The following LRP5 variants were observed in gnomAD, a reference collection of about 807,000 sequenced individuals.
The protein encoded by LRP5 is LDL receptor related protein 5, also known as low-density lipoprotein receptor-related protein 5.
Under a neutral mutation model 154.1 loss-of-function variants are expected in LRP5, and 62 were observed. The ratio of observed to expected loss-of-function variants is 0.40; its 90% CI spans 0.33 to 0.50. LRP5 has a LOEUF of 0.50. LRP5 is among the 20% of genes least tolerant of loss of function. LRP5 has a pLI of 0.55. For synonymous variants in LRP5, 966 were observed against 1,011.5 expected (o/e 0.96, Z 0.85); for missense variants, 1,915 against 2,336.7 (o/e 0.82, Z 3.72).
chr11:68,308,968 C>T (rs1349711612), upstream of LRP5, among the ~76,000 whole-genome samples: 10 of 129,234 alleles, frequency 7.7e-5, no homozygotes, highest in African/African-American at 1.2e-4. Flanking sequence ...CTAACTCTGT[C>T]GCCCAGGCTG....
intron 5 of LRP5, among the ~76,000 whole-genome samples, chr11:68,372,809 C>T (rs76101477): frequency 0.021 from 3,259 of 151,928 alleles, 107 homozygotes; most frequent in African/African-American, 0.074. Context: ...GTGGGGAGCA[C>T]GGCTCACACG....
chr11:68,394,838 T>C (rs74873768), intron 7 of LRP5, among the ~76,000 whole-genome samples: 19,406 of 152,210 alleles, frequency 0.13, 1,680 homozygotes, highest in Admixed American at 0.27. Flanking sequence ...ATAGGGAATA[T>C]GAGGCTTACA....
intron 1 of LRP5, 77 bp downstream of exon 1, chr11:68,312,882 G>C: frequency 1.2e-6 from 1 of 827,152 alleles, no homozygotes; most frequent in Non-Finnish European, 1.5e-6. Context: ...CAAGTGCGCG[G>C]GCGCCGCCGC....
chr11:68,445,701 G>A, intron 21 of LRP5: 1 of 1,306,504 alleles, frequency 7.7e-7, no homozygotes, highest in Non-Finnish European at 1.0e-6. Context: ...AGACCTGTGT[G>A]GGTGTGTGGG....
At chr11:68,428,203 C>T (rs2098669955) in intron 16 of LRP5, among the ~76,000 whole-genome samples, 1 of 151,966 alleles carries the variant, frequency 6.6e-6, no homozygotes, top group South Asian at 2.1e-4. Context: ...CCATTTTGCC[C>T]AGGCTGGTCT....
intron 1 of LRP5, among the ~76,000 whole-genome samples, chr11:68,330,805 T>C (rs1229536917): frequency 1.3e-5 from 2 of 152,230 alleles, no homozygotes. Flanking sequence ...CCCTTCACCC[T>C]GATGCGCATT....
At chr11:68,388,960 C>T (rs955407091) in intron 6 of LRP5, among the ~76,000 whole-genome samples, 3 of 152,308 alleles carry the variant, frequency 2.0e-5, no homozygotes, top group African/African-American at 4.8e-5. Context: ...CGACATTGAC[C>T]GACACCGACA....
intron 17 of LRP5, among the ~76,000 whole-genome samples, chr11:68,432,209 C>T (rs192249120): frequency 2.6e-5 from 4 of 152,278 alleles, no homozygotes; most frequent in Admixed American, 2.6e-4. Flanking sequence ...GATTGAGAGT[C>T]GAGGTCGGAG....
intron 14 of LRP5, 71 bp from the exon 15 acceptor site, chr11:68,425,031 T>TTTCCACA: frequency 7.1e-7 from 1 of 1,401,430 alleles, no homozygotes; most frequent in South Asian, 1.2e-5. Flanking sequence ...CCCAGCTGGG[T>TTTCCACA]GCCCTGGGCT....
At chr11:68,412,721 G>A (rs1591297597) in intron 11 of LRP5, among the ~76,000 whole-genome samples, 1 of 152,136 alleles carries the variant, frequency 6.6e-6, no homozygotes, top group Non-Finnish European at 1.5e-5. Flanking sequence ...GGGCAGACAA[G>A]GGAGGAGAGG....
intron 12 of LRP5, among the ~76,000 whole-genome samples, 163 bp from the exon 13 acceptor site, chr11:68,416,165 A>G (rs529212683): frequency 2.9e-4 from 44 of 152,270 alleles, no homozygotes; most frequent in African/African-American, 1.0e-3. Context: ...GAAATTCCCC[A>G]TAGCGCACCC....
chr11:68,426,316 G>A (rs1222907208), intron 16 of LRP5, 129 bp downstream of exon 16: 11 of 741,444 alleles, frequency 1.5e-5, no homozygotes, highest in Non-Finnish European at 2.2e-5. Context: ...GCCAACTGTT[G>A]CCCGCTGGGG....
At chr11:68,387,339 T>C (rs1174011806) in intron 6 of LRP5, among the ~76,000 whole-genome samples, 1 of 152,188 alleles carries the variant, frequency 6.6e-6, no homozygotes, top group East Asian at 1.9e-4. Flanking sequence ...GGTCGCAAAC[T>C]CCTGACCTCA....
rs1206706919 is a variant in LRP5 at position 68,411,555 on chromosome 11, A to G, written c.2438A>G (p.Tyr813Cys). Residue 813 changes from tyrosine to cysteine, a missense_variant, in exon 11 of 23, where the codon TAC (tyrosine) becomes TGC (cysteine). Tyr to Cys is a radical substitution (Grantham distance 194). Around this residue, in one of 3 missense-constraint regions of LRP5, gnomAD observed 1,094 missense variants for 1,210.1 expected, o/e 0.90. Coordinates refer to ENST00000294304, the MANE Select transcript of LRP5 (RefSeq NM_002335.4). ...CGGGCCAACGACCTCACCATTGACTACGCTGACCAGCGCCTCTACTGGACC... is the reference window on the plus strand; with the variant it reads ...CGGGCCAACGACCTCACCATTGACTGCGCTGACCAGCGCCTCTACTGGACC... ...VGRANDLTID[Y>C]ADQRLYWTDL... 1.9e-6 allele frequency: 3 copies of G among 1,613,788 alleles called. No individual in the cohort carries two copies. The highest frequency in any genetic ancestry group is 1.7e-5 in the Admixed American group (1 of 60,022).
At position 68,411,491 on chromosome 11, in the gene LRP5, G is replaced by T; in HGVS notation, c.2374G>T (p.Asp792Tyr). 1 of 1,613,590 alleles carries T rather than the reference G, an allele frequency of 6.2e-7. No individual in the cohort carries two copies. Among genetic ancestry groups the T allele is most frequent in the Non-Finnish European group, 8.5e-7 (1 of 1,180,044 alleles). The change falls in exon 11 of 23, where the codon GAC becomes TAC. Residue 792 changes from aspartate to tyrosine, a missense_variant. Around this residue, in one of 3 missense-constraint regions of LRP5, gnomAD observed 773 missense variants for 1,100.9 expected, o/e 0.70. Coordinates refer to ENST00000294304, the MANE Select transcript of LRP5 (RefSeq NM_002335.4). ...GCCGAGGATCGTGCGGGCCTTCATG[G>T]ACGGGACCAACTGCATGACGCTGGT... ...GKPRIVRAFM[D>Y]GTNCMTLVDK...
intron 1 of LRP5, among the ~76,000 whole-genome samples, chr11:68,322,733 C>T (rs1008910355): frequency 4.6e-5 from 7 of 152,280 alleles, no homozygotes; most frequent in African/African-American, 7.2e-5. Context: ...CCATCTTTTA[C>T]CTCCTCTGGC....
intron 6 of LRP5, among the ~76,000 whole-genome samples, chr11:68,387,910 G>A (rs1418723237): frequency 1.3e-5 from 2 of 152,232 alleles, no homozygotes; most frequent in African/African-American, 2.4e-5. Flanking sequence ...GTCGGGCAGC[G>A]GCGGGCAGAG....
chr11:68,342,788 A>G (rs1002704934), intron 1 of LRP5, among the ~76,000 whole-genome samples: 1 of 152,144 alleles, frequency 6.6e-6, no homozygotes, highest in African/African-American at 2.4e-5. Flanking sequence ...AAACACCTCC[A>G]TCTCTGGCCT....
At chr11:68,339,890 G>T (rs1000665775) in intron 1 of LRP5, among the ~76,000 whole-genome samples, 1 of 152,166 alleles carries the variant, frequency 6.6e-6, no homozygotes, top group African/African-American at 2.4e-5. Flanking sequence ...ATCATTCTAT[G>T]TGTAACTTTT....
Sources: allele counts gnomAD v4.1 joint callset (sites outside exome capture counted in the v4.1 genomes callset), GRCh38; gene constraint gnomAD v4.1.1; regional missense constraint gnomAD v4.1.1; transcripts MANE v1.5; gene names NCBI Gene and HGNC (gene_info 2026-07-23, HGNC 2026-07-21).